The following PTPRT variants were observed in gnomAD, a reference collection of about 807,000 sequenced individuals.
The protein encoded by PTPRT is receptor-type tyrosine-protein phosphatase T.
A neutral mutation model predicts 176.8 loss-of-function variants in PTPRT; 56 were observed. The ratio of observed to expected loss-of-function variants is 0.32; its 90% CI spans 0.26 to 0.40. The LOEUF is 0.40. PTPRT is among the 10% of genes least tolerant of loss of function. The pLI is 1.00. For synonymous variants in PTPRT, 783 were observed against 739.0 expected (o/e 1.06, Z -0.96); for missense variants, 1,540 against 1,908.2 (o/e 0.81, Z 3.60).
At chr20:42,090,105 T>G (rs753182935) in intron 27 of PTPRT, among the ~76,000 whole-genome samples, 7 of 152,160 alleles carry the variant, frequency 4.6e-5, no homozygotes, top group Non-Finnish European at 1.0e-4. Flanking sequence ...TTCTCCAGTT[T>G]GTTATGAGTG....
At chr20:42,158,749 A>G (rs2146491844) in intron 17 of PTPRT, among the ~76,000 whole-genome samples, 1 of 152,346 alleles carries the variant, frequency 6.6e-6, no homozygotes, top group African/African-American at 2.4e-5. Flanking sequence ...ATCAGAAAAT[A>G]ATGTTAACTA....
At chr20:42,919,475 C>A (rs1979004240) in intron 1 of PTPRT, among the ~76,000 whole-genome samples, 1 of 152,184 alleles carries the variant, frequency 6.6e-6, no homozygotes, top group Non-Finnish European at 1.5e-5. Context: ...GAGATGCCAG[C>A]TGGAAAACGC....
At chr20:42,448,359 G>T in intron 8 of PTPRT, 30 bp from the exon 9 acceptor site, 1 of 1,514,106 alleles carries the variant, frequency 6.6e-7, no homozygotes, top group Non-Finnish European at 9.2e-7. Context: ...TGAACTTGAT[G>T]TCACCTTCCA....
At chr20:43,123,697 T>G (rs1368016862) in intron 1 of PTPRT, among the ~76,000 whole-genome samples, 2 of 152,186 alleles carry the variant, frequency 1.3e-5, no homozygotes, top group African/African-American at 4.8e-5. Flanking sequence ...TTTATCTTGT[T>G]TAAACTACTG....
intron 7 of PTPRT, among the ~76,000 whole-genome samples, chr20:42,649,856 C>A (rs975114496): frequency 6.6e-6 from 1 of 151,972 alleles, no homozygotes; most frequent in South Asian, 2.1e-4. Context: ...CCAATCAGAG[C>A]CTTGCCTTAG....
At chr20:42,884,791 C>T (rs1467844322) in intron 2 of PTPRT, among the ~76,000 whole-genome samples, 2 of 152,146 alleles carry the variant, frequency 1.3e-5, no homozygotes, top group East Asian at 1.9e-4. Flanking sequence ...AAAATGGCCT[C>T]CCTTCTCCAA....
intron 11 of PTPRT, among the ~76,000 whole-genome samples, chr20:42,333,325 T>C (rs1475614194): frequency 2.0e-5 from 3 of 152,188 alleles, no homozygotes; most frequent in Non-Finnish European, 4.4e-5. Context: ...ATTATTTATA[T>C]TAATATGTAT....
intron 1 of PTPRT, among the ~76,000 whole-genome samples, chr20:43,151,991 T>C (rs1263126195): frequency 6.6e-6 from 1 of 152,222 alleles, no homozygotes; most frequent in East Asian, 1.9e-4. Flanking sequence ...TCTATATTTT[T>C]GAGCCAGCAA....
chr20:42,893,414 G>T (rs2145892834), intron 1 of PTPRT, among the ~76,000 whole-genome samples: 1 of 151,922 alleles, frequency 6.6e-6, no homozygotes, highest in East Asian at 1.9e-4. Flanking sequence ...CTGTTGGTGG[G>T]ACTGTAAACT....
At chr20:42,089,251 C>T (rs377656890) in intron 27 of PTPRT, among the ~76,000 whole-genome samples, 1 of 152,150 alleles carries the variant, frequency 6.6e-6, no homozygotes, top group South Asian at 2.1e-4. Context: ...TTCCGCCTTG[C>T]AACCTTCACA....
chr20:42,612,303 C>T (rs1233061797), intron 7 of PTPRT, among the ~76,000 whole-genome samples: 1 of 152,216 alleles, frequency 6.6e-6, no homozygotes, highest in Non-Finnish European at 1.5e-5. Context: ...TCATTTTGCA[C>T]AACTGTCAGC....
intron 1 of PTPRT, among the ~76,000 whole-genome samples, chr20:42,998,696 C>T (rs887534237): frequency 6.6e-6 from 1 of 152,198 alleles, no homozygotes; most frequent in Non-Finnish European, 1.5e-5. Context: ...ATTGCATCAA[C>T]ATTTTCTCAT....
chr20:42,074,215 G>A lies in PTPRT; in HGVS notation c.*6664C>T, dbSNP rs1982558090. The A allele has an allele frequency of 4.4e-6, 1 of 228,028 alleles. No individual in the cohort carries two copies. Among genetic ancestry groups the A allele is most frequent in the Non-Finnish European group, 8.7e-6 (1 of 114,860 alleles). 14.1% of individuals were successfully genotyped at this position (228,028 alleles called of 1,614,324 possible). A position where few individuals can be genotyped will look rare whatever the true frequency, so the allele number is the denominator to read the frequency against. ...ACCTGACATTATTCATCTTCCATGG[G>A]AGATACAGGGACAGGGTGGACACTG... On this transcript the variant is annotated 3_prime_UTR_variant, in exon 31 of 31. Coordinates refer to ENST00000373187, the MANE Select transcript of PTPRT (RefSeq NM_007050.6).
At chr20:42,552,569 C>T (rs1316268881) in intron 7 of PTPRT, among the ~76,000 whole-genome samples, 5 of 152,016 alleles carry the variant, frequency 3.3e-5, no homozygotes, top group South Asian at 2.1e-4. Context: ...TACAATACAT[C>T]GAAACCAAAA....
intron 1 of PTPRT, among the ~76,000 whole-genome samples, chr20:43,135,582 G>A (rs933229072): frequency 6.6e-6 from 1 of 152,128 alleles, no homozygotes; most frequent in Admixed American, 6.5e-5. Flanking sequence ...CCTATTCAAT[G>A]TAGACAAACA....
At chr20:42,761,434 CAAA>C (rs200687081) in intron 5 of PTPRT, among the ~76,000 whole-genome samples, 1 of 137,668 alleles carries the variant, frequency 7.3e-6, no homozygotes. Context: ...AATTCCATCT[CAAA>C]AAAAAAAAAA....
intron 1 of PTPRT, among the ~76,000 whole-genome samples, chr20:42,997,056 T>C (rs940633880): frequency 6.6e-6 from 1 of 152,176 alleles, no homozygotes; most frequent in Non-Finnish European, 1.5e-5. Context: ...CCATGGAGAA[T>C]TGACATAGCC....
At chr20:42,861,486 A>C (rs1200309049) in intron 2 of PTPRT, among the ~76,000 whole-genome samples, 2 of 152,178 alleles carry the variant, frequency 1.3e-5, no homozygotes, top group Non-Finnish European at 2.9e-5. Context: ...CATTCATTTA[A>C]GAAAAAAAAT....
At chr20:43,188,752 G>GGA (rs1555845644) in intron 1 of PTPRT, among the ~76,000 whole-genome samples, 1 of 135,826 alleles carries the variant, frequency 7.4e-6, no homozygotes, top group Non-Finnish European at 1.7e-5. Context: ...CTACTCTTGG[G>GGA]GGGGGGGGGG....
Sources: allele counts gnomAD v4.1 joint callset (sites outside exome capture counted in the v4.1 genomes callset), GRCh38; gene constraint gnomAD v4.1.1; transcripts MANE v1.5; gene names NCBI Gene and HGNC (gene_info 2026-07-23, HGNC 2026-07-21).